Variants in RBFOX1 observed in about 807,000 individuals in gnomAD.
RBFOX1 encodes the protein RNA binding protein fox-1 homolog 1.
In RBFOX1, 8 loss-of-function variants were observed where a neutral mutation model predicts 57.7. The ratio of observed to expected loss-of-function variants is 0.14; its 90% confidence interval spans 0.08 to 0.25. The LOEUF (loss-of-function observed/expected upper bound fraction) is 0.25, where lower values mean the gene tolerates loss of function less well. RBFOX1 is among the 10% of genes least tolerant of loss of function. RBFOX1 has a pLI of 1.00. For missense variants in RBFOX1, 611 were observed against 548.5 expected (o/e 1.11, Z -1.14); for synonymous variants, 326 against 222.4 (o/e 1.47, Z -4.15).
intron 3 of RBFOX1, among the ~76,000 whole-genome samples, chr16:6,827,767 C>T (rs1352832729): frequency 6.6e-6 from 1 of 152,164 alleles, no homozygotes; most frequent in African/African-American, 2.4e-5. Context: ...ATCACTCTTA[C>T]CTGGTTAGTC....
At chr16:6,201,072 C>T (rs545230734) in intron 1 of RBFOX1, among the ~76,000 whole-genome samples, 143 of 151,860 alleles carry the variant, frequency 9.4e-4, no homozygotes, top group Non-Finnish European at 1.8e-3. Context: ...CTTTCTGTGT[C>T]TGGCTTATTT....
intron 1 of RBFOX1, among the ~76,000 whole-genome samples, chr16:6,156,300 A>C (rs980088710): frequency 6.6e-6 from 1 of 152,182 alleles, no homozygotes; most frequent in African/African-American, 2.4e-5. Flanking sequence ...TGGAACATTG[A>C]TTTTGTTAAA....
intron 4 of RBFOX1, among the ~76,000 whole-genome samples, chr16:5,888,994 G>A (rs2057974270): frequency 6.6e-6 from 1 of 152,082 alleles, no homozygotes; most frequent in East Asian, 1.9e-4. Context: ...GGAGTATTAA[G>A]CAAGATTGGT....
At chr16:6,115,773 A>G (rs1012563957) in intron 1 of RBFOX1, among the ~76,000 whole-genome samples, 3 of 152,094 alleles carry the variant, frequency 2.0e-5, no homozygotes, top group Non-Finnish European at 2.9e-5. Flanking sequence ...TGTGGTCATA[A>G]TTCCCCAATC....
At chr16:7,522,515 A>T (rs967746296) in intron 5 of RBFOX1, among the ~76,000 whole-genome samples, 1 of 152,198 alleles carries the variant, frequency 6.6e-6, no homozygotes, top group African/African-American at 2.4e-5. Context: ...CAGAAGGGAC[A>T]AGAGTTGAGG....
intron 4 of RBFOX1, among the ~76,000 whole-genome samples, chr16:7,364,334 T>A (rs996332645): frequency 1.3e-5 from 2 of 152,106 alleles, no homozygotes; most frequent in African/African-American, 4.8e-5. Flanking sequence ...CTGGAATTAA[T>A]TGTAGGTTAT....
At chr16:7,626,725 C>G (rs753315205) in intron 10 of RBFOX1, among the ~76,000 whole-genome samples, 8 of 152,112 alleles carry the variant, frequency 5.3e-5, no homozygotes, top group Non-Finnish European at 8.8e-5. Flanking sequence ...ATTTGAACTT[C>G]AGGCATGCAA....
At chr16:7,312,705 T>C (rs555014879) in intron 4 of RBFOX1, among the ~76,000 whole-genome samples, 2 of 152,334 alleles carry the variant, frequency 1.3e-5, no homozygotes, top group East Asian at 3.9e-4. Context: ...ATTGTCTTGC[T>C]CTTGTCAGTA....
chr16:6,397,162 A>G (rs1241850300), intron 2 of RBFOX1, among the ~76,000 whole-genome samples: 1 of 152,210 alleles, frequency 6.6e-6, no homozygotes, highest in Non-Finnish European at 1.5e-5. Context: ...AAATTTGGTG[A>G]AATACTTTCA....
intron 4 of RBFOX1, among the ~76,000 whole-genome samples, chr16:7,301,864 C>G (rs562814301): frequency 6.6e-6 from 1 of 152,068 alleles, no homozygotes; most frequent in Non-Finnish European, 1.5e-5. Context: ...GCCTTTTATT[C>G]CATTCGTGTT....
chr16:7,212,078 G>A (rs1007386521), intron 4 of RBFOX1, among the ~76,000 whole-genome samples: 2 of 152,120 alleles, frequency 1.3e-5, no homozygotes, highest in Non-Finnish European at 2.9e-5. Context: ...CTGGAGTGAT[G>A]ATTAGTGGAT....
intron 2 of RBFOX1, among the ~76,000 whole-genome samples, chr16:6,367,748 TAA>T (rs566126562): frequency 3.1e-4 from 44 of 143,722 alleles, no homozygotes; most frequent in African/African-American, 8.2e-4. Flanking sequence ...TTGCAATTGT[TAA>T]AAAAAAAAAA....
chr16:5,262,034 G>T (rs1208429337), intron 1 of RBFOX1, among the ~76,000 whole-genome samples: 1 of 152,152 alleles, frequency 6.6e-6, no homozygotes, highest in Non-Finnish European at 1.5e-5. Flanking sequence ...ATTTATAAGG[G>T]AGTTTGTAAT....
chr16:5,849,593 G>A (rs1159446787), intron 3 of RBFOX1, among the ~76,000 whole-genome samples: 1 of 152,122 alleles, frequency 6.6e-6, no homozygotes, highest in Non-Finnish European at 1.5e-5. Context: ...CTGACTGTAA[G>A]CCGCAGTCAC....
intron 3 of RBFOX1, among the ~76,000 whole-genome samples, chr16:6,720,273 C>T (rs1044054781): frequency 1.3e-5 from 2 of 152,100 alleles, no homozygotes; most frequent in South Asian, 2.1e-4. Context: ...ACTTCTTCCC[C>T]CTTCACTCTT....
intron 4 of RBFOX1, among the ~76,000 whole-genome samples, chr16:7,515,878 T>C (rs2076243438): frequency 6.6e-6 from 1 of 152,142 alleles, no homozygotes; most frequent in African/African-American, 2.4e-5. Flanking sequence ...GGAATCTTGC[T>C]CTGTGGCCCA....
In RBFOX1 at chr16:7,112,402, G is replaced by A. The variant is rs1221235619; in HGVS notation, c.27+60304G>A. Among the ~76,000 whole-genome samples the A allele has an allele frequency of 8.3e-5, 12 of 144,260 alleles. No individual in the cohort carries two copies. In the Admixed American group the frequency reaches 8.4e-4, roughly 10 times the overall value. The allele number at this position is 144,260 out of a possible 152,430, so 94.6% of individuals were successfully genotyped here. A position where few individuals can be genotyped will look rare whatever the true frequency, so the allele number is the denominator to read the frequency against. On this transcript the variant is annotated intron_variant, in intron 4 of 15. Transcript: ENST00000550418. ...TATTTTTTTTTTTTTTTGTAGAGAC[G>A]TGGTTTCGCCATGTTGGCCAGGCTG... is the stretch of plus-strand genomic sequence containing the variant.
chr16:6,321,763 A>G (rs987982458), intron 2 of RBFOX1, among the ~76,000 whole-genome samples: 1 of 152,202 alleles, frequency 6.6e-6, no homozygotes, highest in Non-Finnish European at 1.5e-5. Context: ...TGAGAGAAAT[A>G]TAACATCAAC....
chr16:7,201,515 G>A (rs1027454273), intron 4 of RBFOX1, among the ~76,000 whole-genome samples: 3 of 151,022 alleles, frequency 2.0e-5, no homozygotes, highest in Non-Finnish European at 2.9e-5. Flanking sequence ...AGGCTGGAGT[G>A]CAATGGCACA....
Sources: allele counts gnomAD v4.1 joint callset (sites outside exome capture counted in the v4.1 genomes callset), GRCh38; gene constraint gnomAD v4.1.1; transcripts MANE v1.5; gene names NCBI Gene and HGNC (gene_info 2026-07-23, HGNC 2026-07-21).